The following SLC24A4 variants were observed in gnomAD, a reference collection of about 807,000 sequenced individuals.
SLC24A4 encodes solute carrier family 24 member 4.
In SLC24A4, 53 loss-of-function variants were observed where a neutral mutation model predicts 79.0. The observed-to-expected ratio is 0.67, with a 90% confidence interval of 0.54 to 0.84. The LOEUF is 0.84. SLC24A4 is among the 40% of genes least tolerant of loss of function. SLC24A4 has a pLI of 0.00. For missense variants in SLC24A4, 731 were observed against 822.0 expected (o/e 0.89, Z 1.35); for synonymous variants, 323 against 323.8 (o/e 1.00, Z 0.03).
Position 92,396,811 on chromosome 14 carries a change from C to T in SLC24A4, c.242-37101C>T, listed in dbSNP as rs60414475. On this transcript the variant is annotated intron_variant, in intron 2 of 16. Coordinates refer to ENST00000532405, the MANE Select transcript of SLC24A4 (RefSeq NM_153646.4). ...GTTTGTGTGGCCGTCTGTTGAGTGGCGATGTCATGTTGACAGAGCTAATTG... is the reference window on the plus strand; with the variant it reads ...GTTTGTGTGGCCGTCTGTTGAGTGGTGATGTCATGTTGACAGAGCTAATTG... Among the ~76,000 whole-genome samples the T allele has an allele frequency of 8.1e-3, 1,229 of 152,224 alleles. 22 individuals are homozygous for T. The highest frequency in any genetic ancestry group is 0.028 in the African/African-American group (1,148 of 41,522).
chr14:92,482,928 T>TG, intron 13 of SLC24A4, 82 bp downstream of exon 13: 1 of 1,402,218 alleles, frequency 7.1e-7, no homozygotes, highest in South Asian at 1.4e-5. Context: ...CCACAGGTAC[T>TG]GCTGTGCCAC....
intron 2 of SLC24A4, among the ~76,000 whole-genome samples, chr14:92,327,933 A>C (rs1469265016): frequency 6.6e-6 from 1 of 152,234 alleles, no homozygotes; most frequent in Admixed American, 6.5e-5. Context: ...GGCCCATAGA[A>C]AGGACTGCAT....
Position 92,456,603 on chromosome 14 carries a change from T to A in SLC24A4, c.1250T>A (p.Val417Glu), listed in dbSNP as rs767890622. The change falls in exon 12 of 17, where the codon GTG becomes GAG. Residue 417 changes from valine (V) to glutamate (E), a missense_variant. Physicochemically the swap from Val to Glu is moderately radical, Grantham distance 121. Transcript: ENST00000532405. ...GCTGACTTCCTGTCCCCCTTCTCCG[T>A]GCCGGGTGAGTTCTGGGGGTACTGG... ...VEADFLSPFS[V>E]PEARGDKVKW... 1 of 1,613,248 alleles carries A rather than the reference T, an allele frequency of 6.2e-7. No individual in the cohort carries two copies. Among genetic ancestry groups the A allele is most frequent in the Non-Finnish European group, 8.5e-7 (1 of 1,179,764 alleles).
chr14:92,474,156 G>A (rs938770398), intron 12 of SLC24A4, among the ~76,000 whole-genome samples: 1 of 152,214 alleles, frequency 6.6e-6, no homozygotes, highest in Non-Finnish European at 1.5e-5. Context: ...AGCATAATAT[G>A]TGGGGCTTCT....
intron 12 of SLC24A4, among the ~76,000 whole-genome samples, chr14:92,466,386 G>A (rs1173920986): frequency 6.6e-6 from 1 of 152,124 alleles, no homozygotes; most frequent in African/African-American, 2.4e-5. Flanking sequence ...TTATAGATGA[G>A]AAAACTGAGA....
At chr14:92,431,696 C>T (rs895310174) in intron 2 of SLC24A4, among the ~76,000 whole-genome samples, 1 of 152,242 alleles carries the variant, frequency 6.6e-6, no homozygotes, top group Admixed American at 6.5e-5. Context: ...CGTTCTCCTC[C>T]ATAGCCCCCC....
intron 12 of SLC24A4, among the ~76,000 whole-genome samples, chr14:92,458,785 G>T (rs1328974295): frequency 6.6e-6 from 1 of 152,328 alleles, no homozygotes; most frequent in East Asian, 1.9e-4. Flanking sequence ...TCCACGTGGG[G>T]CTGGGGAAAG....
chr14:92,445,326 G>T lies in SLC24A4; in HGVS notation c.667G>T (p.Asp223Tyr). The change falls in exon 8 of 17, where the codon GAT (aspartate) becomes TAT (tyrosine). Residue 223 changes from aspartate to tyrosine, a missense_variant. Physicochemically the swap from Asp to Tyr is radical, Grantham distance 160. Transcript: ENST00000532405. Reference sequence around the variant, plus strand: ...TTCTTTTGCCTTACAGTTCATATATGATGAACAAATTGTGTGGTAAGTTTT... The same window carrying T: ...TTCTTTTGCCTTACAGTTCATATATTATGAACAAATTGTGTGGTAAGTTTT... ...SVIVLIVFIY[D>Y]EQIVWWEGLV... is the part of the protein sequence containing the mutation. 6.2e-7 allele frequency: 1 copy of T among 1,614,100 alleles called. No homozygotes were observed. The highest frequency in any genetic ancestry group is 8.5e-7 in the Non-Finnish European group (1 of 1,179,950).
At chr14:92,476,343 A>G (rs954601072) in intron 12 of SLC24A4, among the ~76,000 whole-genome samples, 1 of 152,244 alleles carries the variant, frequency 6.6e-6, no homozygotes, top group African/African-American at 2.4e-5. Context: ...TTGTACAGGG[A>G]CTACAAGCTA....
intron 2 of SLC24A4, among the ~76,000 whole-genome samples, chr14:92,415,436 A>G (rs1318851460): frequency 1.3e-5 from 2 of 151,830 alleles, no homozygotes; most frequent in Non-Finnish European, 2.9e-5. Flanking sequence ...TTTATTTTTT[A>G]TGTTTTTATT....
intron 2 of SLC24A4, among the ~76,000 whole-genome samples, chr14:92,344,873 G>C (rs186011649): frequency 6.6e-6 from 1 of 152,262 alleles, no homozygotes; most frequent in Non-Finnish European, 1.5e-5. Context: ...TAGCCAGCTT[G>C]CCAAGTGTCT....
chr14:92,458,449 A>C (rs1893612582), intron 12 of SLC24A4, among the ~76,000 whole-genome samples: 1 of 152,168 alleles, frequency 6.6e-6, no homozygotes, highest in Non-Finnish European at 1.5e-5. Context: ...CTGCTCAGCC[A>C]GTCTGGCTGG....
intron 11 of SLC24A4, among the ~76,000 whole-genome samples, chr14:92,455,996 C>T (rs1893435552): frequency 6.6e-6 from 1 of 152,136 alleles, no homozygotes; most frequent in Non-Finnish European, 1.5e-5. Flanking sequence ...CCACCGTGCC[C>T]GGCAGTGAGT....
intron 15 of SLC24A4, among the ~76,000 whole-genome samples, 153 bp from the exon 16 acceptor site, chr14:92,492,022 G>T (rs116673508): frequency 9.2e-5 from 14 of 152,066 alleles, no homozygotes; most frequent in African/African-American, 3.1e-4. Context: ...ACTTGAATCC[G>T]TATTTTCCTG....
intron 2 of SLC24A4, among the ~76,000 whole-genome samples, chr14:92,334,201 T>C (rs1312758607): frequency 1.3e-5 from 2 of 152,206 alleles, no homozygotes; most frequent in African/African-American, 4.8e-5. Flanking sequence ...TTTACTACTA[T>C]GGGCAGGGAA....
chr14:92,420,782 G>T (rs1891231177), intron 2 of SLC24A4, among the ~76,000 whole-genome samples: 1 of 151,916 alleles, frequency 6.6e-6, no homozygotes, highest in Non-Finnish European at 1.5e-5. Context: ...ACCTCTACCA[G>T]CTGAGAATAC....
Position 92,494,181 on chromosome 14 carries a change from G to A in SLC24A4, c.*553G>A, listed in dbSNP as rs1895847938. 6.6e-6 allele frequency: 1 copy of A among 152,622 alleles called. No individual in the cohort carries two copies. Among genetic ancestry groups the A allele is most frequent in the Admixed American group, 6.5e-5 (1 of 15,290 alleles). The allele number at this position is 152,622 out of a possible 1,614,324, so 9.5% of individuals were successfully genotyped here. A position where few individuals can be genotyped will look rare whatever the true frequency, so the allele number is the denominator to read the frequency against. On this transcript the variant is annotated 3_prime_UTR_variant, in exon 17 of 17. Transcript: ENST00000532405. The surrounding 1 kb of genome is among the most constrained non-coding windows in gnomAD (Gnocchi z 4.6). Reference sequence around the variant, plus strand: ...CCTGTTGGGGTTTAGGGCCCATGATGGCAGACATTCTACCCCTTTTCCTGG... The same window carrying A: ...CCTGTTGGGGTTTAGGGCCCATGATAGCAGACATTCTACCCCTTTTCCTGG...
chr14:92,486,325 GA>G (rs1166189819), intron 13 of SLC24A4, among the ~76,000 whole-genome samples: 1 of 152,190 alleles, frequency 6.6e-6, no homozygotes, highest in Non-Finnish European at 1.5e-5. Context: ...TCCTGGACTT[GA>G]ATCTGCTTCC....
chr14:92,349,878 A>G (rs1007840139), intron 2 of SLC24A4, among the ~76,000 whole-genome samples: 2 of 152,184 alleles, frequency 1.3e-5, no homozygotes, highest in Non-Finnish European at 2.9e-5. Context: ...AAGTATGGAT[A>G]AAGGAGCTTT....
Sources: gnomAD v4.1 joint callset for allele counts (sites outside exome capture counted in the v4.1 genomes callset) on GRCh38, gnomAD v4.1.1 for gene constraint, Gnocchi (gnomAD v3.1) non-coding constraint, MANE v1.5 for transcripts, NCBI Gene and HGNC (gene_info 2026-07-23, HGNC 2026-07-21) for gene names.